Variants in ARID1A observed in about 807,000 individuals in gnomAD.
ARID1A encodes the protein AT-rich interaction domain 1A.
In ARID1A, 20 loss-of-function variants were observed where a neutral mutation model predicts 212.6. The ratio of observed to expected loss-of-function variants is 0.09; its 90% CI spans 0.07 to 0.14. The LOEUF (loss-of-function observed/expected upper bound fraction) is 0.14. Ranked by LOEUF, ARID1A falls within the 10% of genes least tolerant of loss-of-function variation. The pLI, the probability that ARID1A is intolerant of heterozygous loss-of-function variation, is 1.00. For synonymous variants in ARID1A, 1,376 were observed against 1,222.1 expected, an observed-to-expected ratio of 1.13 and a Z score of -2.63; for missense variants, 2,587 against 3,059.0, an observed-to-expected ratio of 0.85 and a Z score of 3.64.
intron 1 of ARID1A, among the ~76,000 whole-genome samples, chr1:26,717,969 A>G (rs565605067): frequency 2.6e-5 from 4 of 151,982 alleles, no homozygotes; most frequent in Non-Finnish European, 5.9e-5. Context: ...TTTTGTTGTT[A>G]TTTATTTTTG....
chr1:26,725,577 C>A lies in ARID1A; in HGVS notation c.1138-4074C>A, dbSNP rs536605837. Among the ~76,000 whole-genome samples the A allele has an allele frequency of 1.4e-4, 22 of 152,110 alleles. No homozygotes were observed. The East Asian group carries it at 3.9e-3, about 27-fold the overall frequency. The stretch of plus-strand genomic sequence containing the variant: ...TAAGCCTTTTGTGATGGGAGGGAGT[C>A]AAAAATCTGACGACCAGAAAAAGAA... On this transcript the variant is annotated intron_variant, in intron 1 of 19. Coordinates refer to ENST00000324856, the MANE Select transcript of ARID1A (RefSeq NM_006015.6).
intron 1 of ARID1A, among the ~76,000 whole-genome samples, chr1:26,705,584 T>TA (rs1440350859): frequency 1.4e-4 from 21 of 152,374 alleles, no homozygotes; most frequent in African/African-American, 4.8e-4. Flanking sequence ...GGTTTTCAGT[T>TA]ACTCAGAATT....
rs1238133042 is a variant in ARID1A, at chr1:26,773,736, C to T, written c.4004+19C>T. ...AGCAACGGTGAGTAAAGCCTGGTCT[C>T]GGTGCTGCTATGGATCAGGCTTCGC... On this transcript the variant is annotated intron_variant, in intron 16 of 19. Coordinates refer to ENST00000324856, the MANE Select transcript of ARID1A (RefSeq NM_006015.6). 3.7e-6 allele frequency: 6 copies of T among 1,614,174 alleles called. No individual in the cohort carries two copies. The highest frequency in any genetic ancestry group is 2.2e-5 in the East Asian group (1 of 44,876).
chr1:26,766,513 A>G lies in ARID1A; in HGVS notation c.2935A>G (p.Thr979Ala), dbSNP rs770888078. 3.1e-6 allele frequency: 5 copies of G among 1,613,942 alleles called. No homozygotes were observed. The highest frequency in any genetic ancestry group is 1.7e-5 in the Admixed American group (1 of 59,952). ...TGGGGATGTAAAGTTAACTCCAGCC[A>G]CCAAAATGAACAACAAGGCAGATGG... Reference protein sequence around the residue: ...GLGDVKLTPATKMNNKADGTP... With the variant: ...GLGDVKLTPAAKMNNKADGTP... Residue 979 changes from threonine (T) to alanine (A), a missense_variant, in exon 10 of 20, where the codon ACC becomes GCC. This residue lies in a region of ARID1A where 674 missense variants were observed against 813.4 expected (regional missense o/e 0.83). Coordinates refer to ENST00000324856, the MANE Select transcript of ARID1A (RefSeq NM_006015.6).
chr1:26,710,434 C>T (rs1408550785), intron 1 of ARID1A, among the ~76,000 whole-genome samples: 1 of 150,216 alleles, frequency 6.7e-6, no homozygotes, highest in African/African-American at 2.5e-5. Context: ...CGAGATCACA[C>T]CATTGCACTC....
chr1:26,718,134 C>T (rs180842954), intron 1 of ARID1A, among the ~76,000 whole-genome samples: 1 of 152,232 alleles, frequency 6.6e-6, no homozygotes, highest in African/African-American at 2.4e-5. Flanking sequence ...ACCACCACGC[C>T]CAGCTAATTT....
intron 1 of ARID1A, chr1:26,728,770 G>C (rs761480151): frequency 7.2e-5 from 11 of 152,184 alleles, no homozygotes; most frequent in Non-Finnish European, 1.5e-4. Flanking sequence ...ACCACCAATA[G>C]ATATAGGTAG....
rs372945891 is a variant in ARID1A, at chr1:26,771,156, A to G, written c.3236A>G (p.Asn1079Ser). The G allele has an allele frequency of 6.2e-6, 10 of 1,614,174 alleles. No individual in the cohort carries two copies. The highest frequency in any genetic ancestry group is 4.4e-5 in the South Asian group (4 of 91,080). The change falls in exon 12 of 20, where the codon AAC (asparagine) becomes AGC (serine). Residue 1079 changes from asparagine (N) to serine (S), a missense_variant. This residue lies in a region of ARID1A where 44 missense variants were observed against 99.5 expected (regional missense o/e 0.44). Transcript: ENST00000324856. The surrounding 1 kb of genome is among the most constrained non-coding windows in gnomAD (Gnocchi z 5.4). Reference protein sequence around the residue: ...KNKKWRELATNLNVGTSSSAA... With the variant: ...KNKKWRELATSLNVGTSSSAA... ...AAAAAATGGCGGGAACTTGCAACCAACCTCAATGTGGGCACATCAAGCAGT... is the reference window on the plus strand; with the variant it reads ...AAAAAATGGCGGGAACTTGCAACCAGCCTCAATGTGGGCACATCAAGCAGT...
chr1:26,703,702 A>G (rs2124752855), intron 1 of ARID1A, among the ~76,000 whole-genome samples: 1 of 152,336 alleles, frequency 6.6e-6, no homozygotes, highest in Admixed American at 6.5e-5. Context: ...CTTCAGACTT[A>G]TTGCTGAGAG....
chr1:26,740,329 CAG>C (rs1200195282), intron 4 of ARID1A, among the ~76,000 whole-genome samples: 1 of 152,194 alleles, frequency 6.6e-6, no homozygotes, highest in African/African-American at 2.4e-5. Context: ...AGACATAAAA[CAG>C]AAGACCATGT....
At chr1:26,704,701 A>C (rs1181856180) in intron 1 of ARID1A, among the ~76,000 whole-genome samples, 1 of 151,952 alleles carries the variant, frequency 6.6e-6, no homozygotes, top group Non-Finnish European at 1.5e-5. Flanking sequence ...TCTTTACAAG[A>C]CACAAAAATT....
chr1:26,778,955 C>T (rs2124135887), intron 19 of ARID1A, 68 bp from the exon 20 acceptor site: 3 of 1,449,174 alleles, frequency 2.1e-6, no homozygotes, highest in South Asian at 1.6e-5. Flanking sequence ...GGAGGTCTCT[C>T]AAGTCAATAA....
chr1:26,750,935 G>A (rs1189592359), intron 4 of ARID1A, among the ~76,000 whole-genome samples: 6 of 152,020 alleles, frequency 3.9e-5, no homozygotes. Context: ...TTGAAATAAA[G>A]GCTGAAAGTT....
At position 26,780,858 on chromosome 1, in the gene ARID1A, T is replaced by C; in HGVS notation, c.*102T>C. 6.9e-7 allele frequency: 1 copy of C among 1,448,224 alleles called. No individual in the cohort carries two copies. The highest frequency in any genetic ancestry group is 2.3e-5 in the East Asian group (1 of 43,494). The allele number at this position is 1,448,224 out of a possible 1,614,324, so 89.7% of individuals were successfully genotyped here. ...TATGCAAAACCACCTCAGAATCCAG[T>C]TTACCCTGTGCTGTCCAGCTTCTCC... On this transcript the variant is annotated 3_prime_UTR_variant, in exon 20 of 20. Transcript: ENST00000324856. This position sits in a 1 kb window ranked among gnomAD's most constrained non-coding sequence, Gnocchi z 7.2.
At chr1:26,767,594 T>C (rs1259717640) in intron 10 of ARID1A, among the ~76,000 whole-genome samples, 196 bp from the exon 11 acceptor site, 1 of 152,196 alleles carries the variant, frequency 6.6e-6, no homozygotes, top group African/African-American at 2.4e-5. Flanking sequence ...ATATATTTAG[T>C]GTTAGCTTCC....
At chr1:26,731,100 C>A in intron 2 of ARID1A, 52 bp from the exon 3 acceptor site, 2 of 1,548,714 alleles carry the variant, frequency 1.3e-6, no homozygotes, top group Non-Finnish European at 1.8e-6. Context: ...AACACTTCAT[C>A]TTTCCTCATG....
At position 26,775,611 on chromosome 1, in the gene ARID1A, C is replaced by T. The variant is rs559876290; in HGVS notation, c.5028C>T (p.Leu1676=). The change falls in exon 19 of 20, where the codon CTC becomes CTT. Residue 1676 remains leucine (L), a synonymous_variant. Transcript: ENST00000324856. ...AGGCATGGCGGGTAATGATGTCCCTCAAGTCTGGTCTCCTGGCAGAGAGCA... is the reference window on the plus strand; with the variant it reads ...AGGCATGGCGGGTAATGATGTCCCTTAAGTCTGGTCTCCTGGCAGAGAGCA... ...TPEAWRVMMS[L]KSGLLAESTW... The T allele has an allele frequency of 3.9e-5, 63 of 1,614,130 alleles. 1 individual carries two copies. The South Asian group carries it at 6.7e-4, about 17-fold the overall frequency.
rs397860721 is a variant in ARID1A at position 26,708,266 on chromosome 1, C to CTTTTTTTTTTTTTTT, written c.1137+10748_1137+10762dup. 8.0e-4 allele frequency among the ~76,000 whole-genome samples: 19 copies of CTTTTTTTTTTTTTTT among 23,754 alleles called. 5 individuals are homozygous for CTTTTTTTTTTTTTTT. Among genetic ancestry groups the CTTTTTTTTTTTTTTT allele is most frequent in the African/African-American group, 1.0e-3 (6 of 6,012 alleles). 15.6% of individuals were successfully genotyped at this position (23,754 alleles called of 152,430 possible). On this transcript the variant is annotated intron_variant, in intron 1 of 19. Transcript: ENST00000324856. Reference sequence around the variant, plus strand: ...TCAGCCTTTAAGATACAGTCCTTCACTTTTTTTTTTTTTTTTTTTTTTTTT... The same window carrying CTTTTTTTTTTTTTTT: ...TCAGCCTTTAAGATACAGTCCTTCACTTTTTTTTTTTTTTTTTTTTTTTTTTTTTTTTTTTTTTTT...
intron 4 of ARID1A, among the ~76,000 whole-genome samples, chr1:26,740,240 C>A (rs74062526): frequency 0.012 from 1,901 of 152,256 alleles, 40 homozygotes; most frequent in African/African-American, 0.044. Context: ...CTTCTGAGGT[C>A]ATTTGAACTC....
Sources: gnomAD v4.1 joint callset for allele counts (sites outside exome capture counted in the v4.1 genomes callset) on GRCh38, gnomAD v4.1.1 for gene constraint, gnomAD v4.1.1 regional missense constraint, Gnocchi (gnomAD v3.1) non-coding constraint, MANE v1.5 for transcripts, NCBI Gene and HGNC (gene_info 2026-07-23, HGNC 2026-07-21) for gene names.